AUTS2: variants seen among roughly 807,000 people sequenced by gnomAD.
The protein encoded by AUTS2 is activator of transcription and developmental regulator AUTS2.
Under a neutral mutation model 112.4 loss-of-function variants are expected in AUTS2, and 17 were observed. The ratio of observed to expected loss-of-function variants is 0.15; its 90% CI spans 0.10 to 0.23. The LOEUF (loss-of-function observed/expected upper bound fraction) is 0.23. AUTS2 is among the 10% of genes least tolerant of loss of function. AUTS2 has a pLI of 1.00. For synonymous variants in AUTS2, 751 were observed against 702.7 expected, an observed-to-expected ratio of 1.07 and a Z score of -1.09; for missense variants, 1,510 against 1,701.6, an observed-to-expected ratio of 0.89 and a Z score of 1.98.
rs559029139 is a variant in AUTS2, at chr7:70,733,406, A to G, written c.743-29464A>G. Among the ~76,000 whole-genome samples the G allele has an allele frequency of 3.9e-5, 6 of 152,352 alleles. No individual in the cohort carries two copies. The East Asian group carries it at 1.2e-3, about 29-fold the overall frequency. ...GGACAAATGCTGTACAAAATCGAAG[A>G]TGCCAATTGTCTAGATTATTTTCCC... is the stretch of plus-strand genomic sequence containing the variant. On this transcript the variant is annotated intron_variant, in intron 6 of 18. Transcript: ENST00000342771.
intron 3 of AUTS2, among the ~76,000 whole-genome samples, chr7:70,132,171 A>T (rs1234225425): frequency 1.3e-5 from 2 of 149,094 alleles, no homozygotes; most frequent in African/African-American, 2.4e-5. Context: ...CCTTAAAAAA[A>T]AAAAAAAAAA....
intron 1 of AUTS2, among the ~76,000 whole-genome samples, chr7:69,688,808 A>G (rs1158723512): frequency 6.6e-6 from 1 of 152,138 alleles, no homozygotes; most frequent in African/African-American, 2.4e-5. Flanking sequence ...TTTCTTTGAC[A>G]TTATCCATCT....
intron 5 of AUTS2, among the ~76,000 whole-genome samples, chr7:70,655,112 G>A (rs1278419751): frequency 3.3e-5 from 5 of 152,214 alleles, no homozygotes; most frequent in African/African-American, 9.7e-5. Context: ...CAGCAGCAGG[G>A]CCCATTGCTC....
chr7:70,102,531 T>TCA lies in AUTS2; in HGVS notation c.523-15583_523-15582dup, dbSNP rs141456617. On this transcript the variant is annotated intron_variant, in intron 2 of 18. Coordinates refer to ENST00000342771, the MANE Select transcript of AUTS2 (RefSeq NM_015570.4). ...TGGCATTATAGTTTCTTTGGTTAGA[T>TCA]CACACACACACACACACACGTACGT... is the stretch of plus-strand genomic sequence containing the variant. 4.6e-3 allele frequency among the ~76,000 whole-genome samples: 689 copies of TCA among 149,848 alleles called. 6 individuals are homozygous for TCA. Among genetic ancestry groups the TCA allele is most frequent in the African/African-American group, 0.011 (471 of 41,020 alleles).
chr7:70,007,734 A>G (rs1171948771), intron 2 of AUTS2, among the ~76,000 whole-genome samples: 2 of 152,162 alleles, frequency 1.3e-5, no homozygotes, highest in Non-Finnish European at 2.9e-5. Context: ...TTGAACCCAG[A>G]TAGTCTGTCT....
At chr7:69,872,834 CTTT>C (rs1164356683) in intron 1 of AUTS2, among the ~76,000 whole-genome samples, 199 of 70,388 alleles carry the variant, frequency 2.8e-3, no homozygotes, top group East Asian at 0.015. Context: ...AGCCTATATT[CTTT>C]TTTTTTTTTT....
intron 5 of AUTS2, among the ~76,000 whole-genome samples, chr7:70,649,688 C>T (rs1251974097): frequency 6.6e-6 from 1 of 152,032 alleles, no homozygotes; most frequent in Non-Finnish European, 1.5e-5. Context: ...ACCACCATGC[C>T]CAGCTAATTT....
At chr7:70,118,989 CA>C (rs1383677281) in intron 3 of AUTS2, 5,100 of 138,654 alleles carry the variant, frequency 0.037, 128 homozygotes, top group Middle Eastern at 0.078. Context: ...CATATATCAG[CA>C]TTTTTTTTTT....
intron 1 of AUTS2, among the ~76,000 whole-genome samples, chr7:69,652,620 A>G (rs903352610): frequency 6.6e-6 from 1 of 152,042 alleles, no homozygotes; most frequent in African/African-American, 2.4e-5. Context: ...GAAGCAAAAT[A>G]TTCTTGTTGT....
intron 4 of AUTS2, among the ~76,000 whole-genome samples, chr7:70,237,373 A>T (rs1812381391): frequency 6.6e-6 from 1 of 152,184 alleles, no homozygotes; most frequent in African/African-American, 2.4e-5. Flanking sequence ...TCTGTGGTAA[A>T]CAAACAGCAG....
chr7:70,343,074 TATTTGCAA>T (rs1223892778), intron 4 of AUTS2, among the ~76,000 whole-genome samples: 1 of 152,234 alleles, frequency 6.6e-6, no homozygotes, highest in Non-Finnish European at 1.5e-5. Context: ...TCAGATTAAG[TATTTGCAA>T]ATGGCTTCAA....
At chr7:69,990,916 G>A (rs187428259) in intron 2 of AUTS2, among the ~76,000 whole-genome samples, 18 of 152,304 alleles carry the variant, frequency 1.2e-4, no homozygotes, top group African/African-American at 4.3e-4. Flanking sequence ...TCGATTTTCA[G>A]ATTTGTGTTC....
intron 4 of AUTS2, among the ~76,000 whole-genome samples, chr7:70,364,522 C>T (rs897752435): frequency 1.7e-4 from 26 of 150,804 alleles, no homozygotes; most frequent in Admixed American, 4.0e-4. Context: ...GCCAGGATCA[C>T]GCCACTGCAC....
At chr7:70,305,971 G>T (rs942107689) in intron 4 of AUTS2, among the ~76,000 whole-genome samples, 5 of 151,924 alleles carry the variant, frequency 3.3e-5, no homozygotes, top group Admixed American at 3.3e-4. Context: ...GCCAAACCAT[G>T]TAGGCCAAGA....
chr7:69,961,430 T>C (rs772180972), intron 2 of AUTS2, among the ~76,000 whole-genome samples: 36 of 152,178 alleles, frequency 2.4e-4, no homozygotes, highest in Admixed American at 8.5e-4. Flanking sequence ...TATTTTAAAA[T>C]GGATCATAGT....
intron 1 of AUTS2, among the ~76,000 whole-genome samples, chr7:69,604,577 A>G (rs1355177367): frequency 6.6e-6 from 1 of 152,196 alleles, no homozygotes; most frequent in Non-Finnish European, 1.5e-5. Context: ...TGGGACCTAG[A>G]AGGGTGAAGT....
intron 6 of AUTS2, among the ~76,000 whole-genome samples, chr7:70,762,319 C>T (rs1789612528): frequency 6.6e-6 from 1 of 152,234 alleles, no homozygotes; most frequent in East Asian, 1.9e-4. Context: ...TTTTCTCATA[C>T]AGAGACAGAG....
chr7:69,645,793 C>G (rs1467833542), intron 1 of AUTS2, among the ~76,000 whole-genome samples: 1 of 151,738 alleles, frequency 6.6e-6, no homozygotes, highest in Non-Finnish European at 1.5e-5. Flanking sequence ...GTCTGGGGCT[C>G]CTGCTGTGTT....
At chr7:70,395,649 G>A (rs1027629065) in intron 4 of AUTS2, among the ~76,000 whole-genome samples, 3 of 152,176 alleles carry the variant, frequency 2.0e-5, no homozygotes, top group Admixed American at 1.3e-4. Context: ...CTTAACATAG[G>A]TTGAAAGTTA....
Sources: allele counts gnomAD v4.1 joint callset (sites outside exome capture counted in the v4.1 genomes callset), GRCh38; gene constraint gnomAD v4.1.1; transcripts MANE v1.5; gene names NCBI Gene and HGNC (gene_info 2026-07-23, HGNC 2026-07-21).